EHMT1: variants seen among roughly 807,000 people sequenced by gnomAD.
The protein encoded by EHMT1 is histone-lysine N-methyltransferase EHMT1.
In EHMT1, 15 loss-of-function variants were observed where a neutral mutation model predicts 147.2. That is an observed-to-expected ratio of 0.10 (90% confidence interval 0.07 to 0.16). The LOEUF is 0.16. EHMT1 is among the 10% of genes least tolerant of loss of function. EHMT1 has a pLI of 1.00. For synonymous variants in EHMT1, 795 were observed against 709.6 expected, an observed-to-expected ratio of 1.12 and a Z score of -1.91; for missense variants, 1,587 against 1,772.4, an observed-to-expected ratio of 0.90 and a Z score of 1.88.
At chr9:137,637,451 AG>A (rs1272615932) in intron 1 of EHMT1, 2 of 152,264 alleles carry the variant, frequency 1.3e-5, no homozygotes, top group Non-Finnish European at 2.9e-5. Context: ...CTGGGATTAC[AG>A]GTGTGAGCCA....
At chr9:137,745,856 G>A (rs1001497935) in intron 6 of EHMT1, 4 of 269,416 alleles carry the variant, frequency 1.5e-5, no homozygotes, top group African/African-American at 4.4e-5. Flanking sequence ...TGAGGGGTGT[G>A]GTTTCCTCAC....
intron 6 of EHMT1, chr9:137,745,979 T>C (rs1948512029): frequency 6.2e-6 from 1 of 160,820 alleles, no homozygotes; most frequent in African/African-American, 2.4e-5. Flanking sequence ...GCTTGCTAAA[T>C]AGCCCCTGCT....
At chr9:137,673,338 A>AC (rs1217973063) in intron 1 of EHMT1, among the ~76,000 whole-genome samples, 1 of 152,054 alleles carries the variant, frequency 6.6e-6, no homozygotes, top group Non-Finnish European at 1.5e-5. Context: ...TTCTGATAGG[A>AC]CCGTTGCTCA....
At chr9:137,703,642 C>G (rs1944020764) in intron 1 of EHMT1, among the ~76,000 whole-genome samples, 1 of 152,164 alleles carries the variant, frequency 6.6e-6, no homozygotes, top group South Asian at 2.1e-4. Flanking sequence ...GGTTCCTCAT[C>G]TCCATCTGAG....
intron 25 of EHMT1, among the ~76,000 whole-genome samples, chr9:137,831,951 T>C (rs7021869): frequency 2.6e-3 from 245 of 93,116 alleles, no homozygotes; most frequent in African/African-American, 8.1e-3. Context: ...CCTACGTGGC[T>C]GCTGCACTTC....
At chr9:137,829,427 G>A (rs754334741) in intron 25 of EHMT1, among the ~76,000 whole-genome samples, 2 of 152,108 alleles carry the variant, frequency 1.3e-5, no homozygotes, top group Non-Finnish European at 2.9e-5. Context: ...TGCTTTATTT[G>A]TTTCATCCTT....
intron 22 of EHMT1, 125 bp from the exon 23 acceptor site, chr9:137,815,821 TG>T: frequency 1.2e-6 from 1 of 816,340 alleles, no homozygotes; most frequent in Non-Finnish European, 2.1e-6. Flanking sequence ...TGTTCAAGTT[TG>T]GCCAGAAACC....
chr9:137,725,090 G>T (rs972135006), intron 3 of EHMT1, among the ~76,000 whole-genome samples: 1 of 138,462 alleles, frequency 7.2e-6, no homozygotes, highest in Admixed American at 7.3e-5. Context: ...ATGGGCAGGC[G>T]TGTGGCATTC....
At chr9:137,706,047 G>T (rs1944242122) in intron 1 of EHMT1, among the ~76,000 whole-genome samples, 1 of 152,030 alleles carries the variant, frequency 6.6e-6, no homozygotes, top group Non-Finnish European at 1.5e-5. Flanking sequence ...TTGTGCGTTG[G>T]GGGGTTGGGG....
intron 18 of EHMT1, among the ~76,000 whole-genome samples, chr9:137,805,990 T>A (rs913611179): frequency 3.4e-5 from 5 of 148,926 alleles, no homozygotes; most frequent in African/African-American, 1.0e-4. Context: ...TTGGAGACAG[T>A]CTCACCCTGT....
At chr9:137,630,791 C>T (rs1418673791) in intron 1 of EHMT1, among the ~76,000 whole-genome samples, 5 of 152,046 alleles carry the variant, frequency 3.3e-5, no homozygotes, top group Non-Finnish European at 7.4e-5. Flanking sequence ...TCCTTTGGTG[C>T]ACAGTGGAAT....
At chr9:137,784,475 TTC>T in intron 15 of EHMT1, 1 of 1,057,496 alleles carries the variant, frequency 9.5e-7, no homozygotes, top group Non-Finnish European at 1.2e-6. Flanking sequence ...GCCGTTTCTC[TTC>T]TCTCTGGAAG....
intron 6 of EHMT1, among the ~76,000 whole-genome samples, chr9:137,748,372 C>A (rs576699955): frequency 2.2e-4 from 33 of 152,198 alleles, no homozygotes; most frequent in Non-Finnish European, 3.1e-4. Context: ...CATACAGGTT[C>A]CTCTGTATGG....
chr9:137,623,022 AAC>A (rs1843030193), intron 1 of EHMT1, among the ~76,000 whole-genome samples: 1 of 151,754 alleles, frequency 6.6e-6, no homozygotes, highest in Non-Finnish European at 1.5e-5. Flanking sequence ...CATCCTGGCT[AAC>A]ACACAGTGAA....
At chr9:137,717,272 CAGTA>C (rs1945423399) in intron 3 of EHMT1, 90 bp downstream of exon 3, 8 of 1,485,534 alleles carry the variant, frequency 5.4e-6, no homozygotes, top group South Asian at 3.6e-5. Flanking sequence ...GAGGAGAAGC[CAGTA>C]AGTGTCAGTG....
intron 4 of EHMT1, among the ~76,000 whole-genome samples, chr9:137,734,295 A>G (rs568291492): frequency 6.6e-6 from 1 of 152,356 alleles, no homozygotes; most frequent in South Asian, 2.1e-4. Context: ...GAGCTAGAAA[A>G]CGTAAAAAGG....
rs1050770162 is a variant in EHMT1, at chr9:137,834,988, G to C, written c.*35G>C. The C allele has an allele frequency of 5.1e-6, 7 of 1,375,286 alleles. No individual in the cohort carries two copies. Among genetic ancestry groups the C allele is most frequent in the South Asian group, 3.3e-5 (2 of 60,228 alleles). 85.2% of individuals were successfully genotyped at this position (1,375,286 alleles called of 1,614,324 possible). On this transcript the variant is annotated 3_prime_UTR_variant, in exon 27 of 27. Transcript: ENST00000460843. ...GGCCAGCGGGGCGCTCGGGAGCCAG[G>C]GACCGCCGCGTCGCCGATTAGAGGA...
rs532020691 is a variant in EHMT1 at position 137,706,120 on chromosome 9, G to C, written c.22-4847G>C. On this transcript the variant is annotated intron_variant, in intron 1 of 26. Transcript: ENST00000460843. Reference sequence around the variant, plus strand: ...CTAGGCTCTGCCAGTCAAGGCACACGGGGCCATGGCAGGGCAGGGCATGCA... The same window carrying C: ...CTAGGCTCTGCCAGTCAAGGCACACCGGGCCATGGCAGGGCAGGGCATGCA... Among the ~76,000 whole-genome samples, 21 of 152,298 alleles carry C rather than the reference G, an allele frequency of 1.4e-4. No homozygotes were observed. The South Asian group carries it at 4.4e-3, about 32-fold the overall frequency.
At chr9:137,626,641 G>A (rs1016418223) in intron 1 of EHMT1, among the ~76,000 whole-genome samples, 2 of 151,444 alleles carry the variant, frequency 1.3e-5, no homozygotes, top group South Asian at 4.2e-4. Flanking sequence ...CTTTCCTTTA[G>A]TGTCTCATTG....
Sources: gnomAD v4.1 joint callset for allele counts (sites outside exome capture counted in the v4.1 genomes callset) on GRCh38, gnomAD v4.1.1 for gene constraint, MANE v1.5 for transcripts, NCBI Gene and HGNC (gene_info 2026-07-23, HGNC 2026-07-21) for gene names.